The following RTN1 variants were observed in gnomAD, a reference collection of about 807,000 sequenced individuals.
RTN1 encodes reticulon-1.
Under a neutral mutation model 65.5 loss-of-function variants are expected in RTN1, and 25 were observed. The observed-to-expected ratio is 0.38, with a 90% confidence interval of 0.28 to 0.53. The LOEUF (loss-of-function observed/expected upper bound fraction) is 0.53, where lower values mean the gene tolerates loss of function less well. Among genes scored for constraint, RTN1 ranks in the 20% least tolerant of loss-of-function variants. RTN1 has a pLI of 0.79. For missense variants in RTN1, 983 were observed against 1,025.4 expected, an observed-to-expected ratio of 0.96 and a Z score of 0.57; for synonymous variants, 471 against 447.6, an observed-to-expected ratio of 1.05 and a Z score of -0.66.
Position 59,825,865 on chromosome 14 carries a change from G to A in RTN1, c.241+44525C>T, listed in dbSNP as rs1337396879. Among the ~76,000 whole-genome samples the A allele has an allele frequency of 5.3e-5, 8 of 152,280 alleles. No homozygotes were observed. In the East Asian group the frequency reaches 7.7e-4, roughly 15 times the overall value. ...ACTCAGACCAGGAGCCTATAACCTC[G>A]TTACAGGCCACTCACTCCAGGAATG... On this transcript the variant is annotated intron_variant, in intron 1 of 8. Coordinates refer to ENST00000267484, the MANE Select transcript of RTN1 (RefSeq NM_021136.3). The surrounding 1 kb of genome is among the most constrained non-coding windows in gnomAD (Gnocchi z 4.2).
intron 3 of RTN1, among the ~76,000 whole-genome samples, chr14:59,702,274 C>T (rs1308905588): frequency 6.6e-6 from 1 of 152,178 alleles, no homozygotes; most frequent in Non-Finnish European, 1.5e-5. Flanking sequence ...ATACACTGTA[C>T]AATATGTCAA....
intron 3 of RTN1, chr14:59,610,049 G>T (rs990351151): frequency 4.0e-6 from 3 of 743,090 alleles, no homozygotes; most frequent in Non-Finnish European, 7.5e-6. Flanking sequence ...GAGCCTGAAA[G>T]GAGTTTTCAG....
chr14:59,851,137 T>G (rs1048313888), intron 1 of RTN1, among the ~76,000 whole-genome samples: 3 of 152,256 alleles, frequency 2.0e-5, no homozygotes, highest in African/African-American at 7.2e-5. Flanking sequence ...AAGATTCATA[T>G]TGACGTGATA....
chr14:59,723,505 T>C (rs1884692274), intron 3 of RTN1, among the ~76,000 whole-genome samples: 1 of 151,408 alleles, frequency 6.6e-6, no homozygotes, highest in African/African-American at 2.4e-5. Flanking sequence ...TAGTCCCAGC[T>C]ACTCGGGAGG....
At chr14:59,743,125 C>T (rs1885145913) in intron 2 of RTN1, among the ~76,000 whole-genome samples, 1 of 152,158 alleles carries the variant, frequency 6.6e-6, no homozygotes, top group Admixed American at 6.5e-5. Context: ...CAATCATTGT[C>T]CTAACCCCAT....
chr14:59,663,011 A>C (rs1883284559), intron 3 of RTN1, among the ~76,000 whole-genome samples: 1 of 152,214 alleles, frequency 6.6e-6, no homozygotes. Flanking sequence ...ACCTGACTTC[A>C]AACTATACTA....
rs1566713947 is a variant in RTN1, at chr14:59,750,492, A to AT, written c.242-4012dup. Among the ~76,000 whole-genome samples, 177 of 58,192 alleles carry AT rather than the reference A, an allele frequency of 3.0e-3. 12 individuals are homozygous for AT. Among genetic ancestry groups the AT allele is most frequent in the Non-Finnish European group, 4.1e-3 (136 of 33,146 alleles). 38.2% of individuals were successfully genotyped at this position (58,192 alleles called of 152,430 possible). A position where few individuals can be genotyped will look rare whatever the true frequency, so the allele number is the denominator to read the frequency against. ...AATATATAATATATCTATAATATAT[A>AT]TATTATATCTATAATATATATAATA... On this transcript the variant is annotated intron_variant, in intron 1 of 8. Coordinates refer to ENST00000267484, the MANE Select transcript of RTN1 (RefSeq NM_021136.3).
intron 1 of RTN1, among the ~76,000 whole-genome samples, chr14:59,760,580 C>T (rs1312832610): frequency 6.6e-6 from 1 of 152,036 alleles, no homozygotes; most frequent in Non-Finnish European, 1.5e-5. Flanking sequence ...TGATGGGAAC[C>T]CCCAGCCCAG....
rs1594671026 is a variant in RTN1, at chr14:59,674,452, C to T, written c.1765+52467G>A. ...CAATGCAGGTGATATTAGTTTCTTTCAAATGCTTGGTTTCTAGTACAGATT... is the reference window on the plus strand; with the variant it reads ...CAATGCAGGTGATATTAGTTTCTTTTAAATGCTTGGTTTCTAGTACAGATT... On this transcript the variant is annotated intron_variant, in intron 3 of 8. Transcript: ENST00000267484. Among the ~76,000 whole-genome samples the T allele has an allele frequency of 1.3e-5, 2 of 152,256 alleles. 1 individual carries two copies. Among genetic ancestry groups the T allele is most frequent in the East Asian group, 3.9e-4 (2 of 5,180 alleles).
chr14:59,748,210 G>GTTTTTT lies in RTN1; in HGVS notation c.242-1735_242-1730dup, dbSNP rs67657505. Reference sequence around the variant, plus strand: ...TGCCCCGATTAAGTCAGTCTGTGAGGTTTTTTTTTTTTTTTTTTCCGGGAA... The same window carrying GTTTTTT: ...TGCCCCGATTAAGTCAGTCTGTGAGGTTTTTTTTTTTTTTTTTTTTTTTTCCGGGAA... On this transcript the variant is annotated intron_variant, in intron 1 of 8. Transcript: ENST00000267484. Among the ~76,000 whole-genome samples, 1,178 of 125,850 alleles carry GTTTTTT rather than the reference G, an allele frequency of 9.4e-3. 19 individuals carry two copies. The highest frequency in any genetic ancestry group is 0.02 in the East Asian group (84 of 4,290). The allele number at this position is 125,850 out of a possible 152,430, so 82.6% of individuals were successfully genotyped here. A position where few individuals can be genotyped will look rare whatever the true frequency, so the allele number is the denominator to read the frequency against.
chr14:59,657,088 G>A (rs1034265247), intron 3 of RTN1, among the ~76,000 whole-genome samples: 1 of 152,050 alleles, frequency 6.6e-6, no homozygotes, highest in African/African-American at 2.4e-5. Context: ...AAAAGGAAAG[G>A]TTGTGAATAT....
At chr14:59,677,094 C>T (rs746274169) in intron 3 of RTN1, among the ~76,000 whole-genome samples, 12 of 152,190 alleles carry the variant, frequency 7.9e-5, no homozygotes, top group Non-Finnish European at 1.6e-4. Flanking sequence ...CTGGCTCCCA[C>T]CTCAGGGTTG....
intron 1 of RTN1, among the ~76,000 whole-genome samples, chr14:59,850,674 T>C (rs1887488881): frequency 6.6e-6 from 1 of 152,218 alleles, no homozygotes; most frequent in Non-Finnish European, 1.5e-5. Flanking sequence ...GTTCCATCCA[T>C]TCTAAACCAC....
intron 1 of RTN1, among the ~76,000 whole-genome samples, chr14:59,824,612 A>C (rs1886999000): frequency 6.6e-6 from 1 of 152,230 alleles, no homozygotes; most frequent in Non-Finnish European, 1.5e-5. Context: ...CCTTTGGCCA[A>C]GCAACACCTG....
chr14:59,729,134 C>G (rs1263588255), intron 2 of RTN1, among the ~76,000 whole-genome samples: 2 of 151,990 alleles, frequency 1.3e-5, no homozygotes, highest in Non-Finnish European at 2.9e-5. Flanking sequence ...ATGAAGATAT[C>G]CAGAGGAAAA....
chr14:59,736,189 C>T (rs1884998066), intron 2 of RTN1, among the ~76,000 whole-genome samples: 1 of 151,548 alleles, frequency 6.6e-6, no homozygotes, highest in Admixed American at 6.6e-5. Context: ...CAAAGATGAA[C>T]TGAAGGAGAC....
At chr14:59,605,222 A>C (rs1881704457) in intron 5 of RTN1, 146 bp downstream of exon 5, 4 of 759,256 alleles carry the variant, frequency 5.3e-6, no homozygotes, top group Non-Finnish European at 8.3e-6. Context: ...AGACTGGTTC[A>C]TGGTGCCATA....
chr14:59,819,473 T>C (rs1440746185), intron 1 of RTN1, among the ~76,000 whole-genome samples: 7 of 111,410 alleles, frequency 6.3e-5, no homozygotes, highest in African/African-American at 2.6e-4. Context: ...AGTACAATCC[T>C]CCAGCTAGAC....
At chr14:59,705,714 T>A (rs1884277380) in intron 3 of RTN1, among the ~76,000 whole-genome samples, 1 of 152,238 alleles carries the variant, frequency 6.6e-6, no homozygotes, top group Admixed American at 6.5e-5. Context: ...TAAGCATTGC[T>A]TGCTTTCATT....
Sources: gnomAD v4.1 joint callset for allele counts (sites outside exome capture counted in the v4.1 genomes callset) on GRCh38, gnomAD v4.1.1 for gene constraint, Gnocchi (gnomAD v3.1) non-coding constraint, MANE v1.5 for transcripts, NCBI Gene and HGNC (gene_info 2026-07-23, HGNC 2026-07-21) for gene names.